The following TRIM23 variants were observed in gnomAD, a reference collection of about 807,000 sequenced individuals.
TRIM23 encodes tripartite motif containing 23.
A neutral mutation model predicts 71.0 loss-of-function variants in TRIM23; 27 were observed. The ratio of observed to expected loss-of-function variants is 0.38; its 90% CI spans 0.28 to 0.52. The LOEUF is 0.52. Ranked by LOEUF, TRIM23 falls within the 20% of genes least tolerant of loss-of-function variation. The pLI, the probability that TRIM23 is intolerant of heterozygous loss-of-function variation, is 0.84. For synonymous variants in TRIM23, 234 were observed against 238.0 expected, an observed-to-expected ratio of 0.98 and a Z score of 0.16; for missense variants, 482 against 692.3, an observed-to-expected ratio of 0.70 and a Z score of 3.41.
At chr5:65,603,241 T>C (rs892586350) in intron 7 of TRIM23, among the ~76,000 whole-genome samples, 6 of 152,218 alleles carry the variant, frequency 3.9e-5, no homozygotes, top group African/African-American at 1.4e-4. Flanking sequence ...AATGTGAATA[T>C]ACTTAACAGT....
chr5:65,596,479 A>G lies in TRIM23; in HGVS notation c.1362T>C (p.Asp454=). The change falls in exon 9 of 11, where the codon GAT becomes GAC. Residue 454 remains aspartate (D), a synonymous_variant. Coordinates refer to ENST00000231524, the MANE Select transcript of TRIM23 (RefSeq NM_001656.4). ...GTCTTAATTTGTGTTTTCCACCTACATCCCAAATAGTGAATTTTAGATTTT... is the reference window on the plus strand; with the variant it reads ...GTCTTAATTTGTGTTTTCCACCTACGTCCCAAATAGTGAATTTTAGATTTT... ...EYKNLKFTIW[D]VGGKHKLRPL... The G allele has an allele frequency of 6.2e-7, 1 of 1,612,174 alleles. No homozygotes were observed.
rs1402530453 is a variant in TRIM23, at chr5:65,605,062, A to C, written c.1045-17T>G. Reference sequence around the variant, plus strand: ...ACAATCATCCTATAAGAGGCAAAACAATATTTCTTATAAACTTTTTATAAG... The same window carrying C: ...ACAATCATCCTATAAGAGGCAAAACCATATTTCTTATAAACTTTTTATAAG... On this transcript the variant is annotated splice_polypyrimidine_tract_variant and intron_variant, in intron 6 of 10. Coordinates refer to ENST00000231524, the MANE Select transcript of TRIM23 (RefSeq NM_001656.4). 1 of 1,577,180 alleles carries C rather than the reference A, an allele frequency of 6.3e-7. No homozygotes were observed. The highest frequency in any genetic ancestry group is 8.6e-7 in the Non-Finnish European group (1 of 1,165,220).
chr5:65,623,361 G>A (rs1176610915), intron 1 of TRIM23, among the ~76,000 whole-genome samples: 4 of 152,150 alleles, frequency 2.6e-5, no homozygotes, highest in African/African-American at 7.2e-5. Flanking sequence ...ATGTAGCCAG[G>A]AATGAGAATT....
At chr5:65,600,928 C>A (rs1168993712) in intron 7 of TRIM23, among the ~76,000 whole-genome samples, 1 of 152,120 alleles carries the variant, frequency 6.6e-6, no homozygotes, top group Non-Finnish European at 1.5e-5. Context: ...ATATGGATAT[C>A]AAAACAAATA....
At chr5:65,613,739 T>C (rs528838401) in intron 3 of TRIM23, 9 of 1,197,676 alleles carry the variant, frequency 7.5e-6, no homozygotes, top group Non-Finnish European at 9.5e-6. Context: ...CGAGTTTTTC[T>C]TTCTCTCATT....
At position 65,596,493 on chromosome 5, in the gene TRIM23, A is replaced by G; in HGVS notation, c.1348T>C (p.Phe450Leu). 6.2e-7 allele frequency: 1 copy of G among 1,611,698 alleles called. No homozygotes were observed. Among genetic ancestry groups the G allele is most frequent in the Non-Finnish European group, 8.5e-7 (1 of 1,178,122 alleles). ...VETVEYKNLK[F>L]TIWDVGGKHK... ...TTTCCACCTACATCCCAAATAGTGA[A>G]TTTTAGATTTTTATATTCTACAGTT... Residue 450 changes from phenylalanine (F) to leucine (L), a missense_variant, in exon 9 of 11, where the codon TTC becomes CTC. Physicochemically the swap from Phe to Leu is conservative, Grantham distance 22. Transcript: ENST00000231524.
At chr5:65,622,950 T>C (rs750825454) in intron 1 of TRIM23, among the ~76,000 whole-genome samples, 1 of 152,224 alleles carries the variant, frequency 6.6e-6, no homozygotes, top group Non-Finnish European at 1.5e-5. Flanking sequence ...AAGTATTCTC[T>C]ACTTAGCAAA....
intron 2 of TRIM23, among the ~76,000 whole-genome samples, chr5:65,615,739 C>T (rs1754761182): frequency 6.6e-6 from 1 of 152,212 alleles, no homozygotes. Context: ...TATCCAGTCA[C>T]TATATAATGA....
In TRIM23 at chr5:65,591,286, T is replaced by C. The variant is rs867345730; in HGVS notation, c.*483A>G. 2.9e-5 allele frequency: 40 copies of C among 1,371,890 alleles called. No homozygotes were observed. The Middle Eastern group carries it at 1.0e-3, about 36-fold the overall frequency. The allele number at this position is 1,371,890 out of a possible 1,614,324, so 85.0% of individuals were successfully genotyped here. ...TTATCCAAATATGTAGTTTGGATTC[T>C]ATTTCATTAAGCAACTGTCATTTCT... On this transcript the variant is annotated 3_prime_UTR_variant, in exon 11 of 11. Coordinates refer to ENST00000231524, the MANE Select transcript of TRIM23 (RefSeq NM_001656.4).
intron 1 of TRIM23, among the ~76,000 whole-genome samples, chr5:65,620,583 A>AT (rs11421078): frequency 0.62 from 94,035 of 151,672 alleles, 29,401 homozygotes; most frequent in South Asian, 0.65. Context: ...GAAAGAGCAA[A>AT]TTTTTTTTGT....
chr5:65,623,231 T>C (rs1315940168), intron 1 of TRIM23, among the ~76,000 whole-genome samples: 2 of 152,232 alleles, frequency 1.3e-5, no homozygotes, highest in South Asian at 2.1e-4. Flanking sequence ...CAGTAATTCA[T>C]AACCCTGGTT....
chr5:65,613,819 T>C (rs904940841), intron 3 of TRIM23: 2 of 1,337,778 alleles, frequency 1.5e-6, no homozygotes, highest in Non-Finnish European at 2.0e-6. Context: ...TACTATTCCA[T>C]AATCTTCTTC....
In TRIM23 at chr5:65,591,463, A is replaced by AC. The variant is rs1194863256; in HGVS notation, c.*305dup. 1 of 1,593,554 alleles carries AC rather than the reference A, an allele frequency of 6.3e-7. No homozygotes were observed. Among genetic ancestry groups the AC allele is most frequent in the South Asian group, 1.2e-5 (1 of 86,732 alleles). On this transcript the variant is annotated 3_prime_UTR_variant, in exon 11 of 11. Transcript: ENST00000231524. ...CTTCACTTACCCTTTCTCTGTGACTACCTCTTTCCCAGTATATTGGTCACA... is the reference window on the plus strand; with the variant it reads ...CTTCACTTACCCTTTCTCTGTGACTACCCTCTTTCCCAGTATATTGGTCACA...
At chr5:65,612,147 G>A (rs1057248151) in intron 3 of TRIM23, among the ~76,000 whole-genome samples, 1 of 152,042 alleles carries the variant, frequency 6.6e-6, no homozygotes, top group Non-Finnish European at 1.5e-5. Flanking sequence ...ATTCATATTC[G>A]GTGCAAAGAT....
At chr5:65,616,291 C>G (rs539945502) in intron 2 of TRIM23, among the ~76,000 whole-genome samples, 4 of 152,206 alleles carry the variant, frequency 2.6e-5, no homozygotes, top group African/African-American at 9.6e-5. Flanking sequence ...TTTTGTTAAA[C>G]ATTGAGGATA....
At chr5:65,593,518 A>G (rs1301024690) in intron 10 of TRIM23, among the ~76,000 whole-genome samples, 1 of 152,178 alleles carries the variant, frequency 6.6e-6, no homozygotes, top group African/African-American at 2.4e-5. Context: ...AGAAAATGGT[A>G]TTTCACTGAC....
chr5:65,592,849 A>G (rs1031754268), intron 10 of TRIM23, among the ~76,000 whole-genome samples: 2 of 152,234 alleles, frequency 1.3e-5, no homozygotes, highest in African/African-American at 2.4e-5. Flanking sequence ...TATTTTTAAT[A>G]TCAGAATTCC....
intron 1 of TRIM23, among the ~76,000 whole-genome samples, chr5:65,618,585 G>C (rs1754836174): frequency 6.6e-6 from 1 of 152,092 alleles, no homozygotes; most frequent in Non-Finnish European, 1.5e-5. Flanking sequence ...TTCTACTGAA[G>C]GTGGGTTCTT....
intron 2 of TRIM23, 79 bp downstream of exon 2, chr5:65,618,014 T>C (rs11952500): frequency 0.028 from 38,287 of 1,371,232 alleles, 1,088 homozygotes; most frequent in African/African-American, 0.1. Context: ...AAAAATCAAG[T>C]GGAAGGACAT....
Sources: allele counts gnomAD v4.1 joint callset (sites outside exome capture counted in the v4.1 genomes callset), GRCh38; gene constraint gnomAD v4.1.1; transcripts MANE v1.5; gene names NCBI Gene and HGNC (gene_info 2026-07-23, HGNC 2026-07-21).